EBPL: variants seen among roughly 807,000 people sequenced by gnomAD.
EBPL encodes the protein emopamil-binding protein-like.
Under a neutral mutation model 19.0 loss-of-function variants are expected in EBPL, and 20 were observed. That is an observed-to-expected ratio of 1.05 (90% CI 0.74 to 1.53). The LOEUF is 1.53. Among genes scored for constraint, EBPL ranks in the 40% most tolerant of loss-of-function variants. The pLI, the probability that EBPL is intolerant of heterozygous loss-of-function variation, is 0.00. For synonymous variants in EBPL, 107 were observed against 117.0 expected, an observed-to-expected ratio of 0.91 and a Z score of 0.55; for missense variants, 219 against 261.1, an observed-to-expected ratio of 0.84 and a Z score of 1.11.
rs1226383595 is a variant in EBPL at position 49,663,066 on chromosome 13, T to C, written c.371A>G (p.Lys124Arg). ...GAAGAAGGGCACCTACCGGTAATAT[T>C]TTTCTTTGACTATGGCATAAATGAG... is the stretch of plus-strand genomic sequence containing the variant. ...LFLIYAIVKE[K>R]YYRHFLQITL... is the part of the protein sequence containing the mutation. The change falls in exon 3 of 4, where the codon AAA becomes AGA. Residue 124 changes from lysine (K) to arginine (R), a missense_variant. Physicochemically the swap from Lys to Arg is conservative, Grantham distance 26. This residue lies in a region of EBPL where 170 missense variants were observed against 167.0 expected (regional missense o/e 1.02). Coordinates refer to ENST00000242827, the MANE Select transcript of EBPL (RefSeq NM_032565.5). 1.7e-5 allele frequency: 27 copies of C among 1,613,848 alleles called. No homozygotes were observed. Among genetic ancestry groups the C allele is most frequent in the Non-Finnish European group, 2.1e-5 (25 of 1,180,028 alleles).
chr13:49,677,504 T>G (rs1953889356), intron 1 of EBPL, among the ~76,000 whole-genome samples: 1 of 152,232 alleles, frequency 6.6e-6, no homozygotes, highest in Non-Finnish European at 1.5e-5. Context: ...CACTTTAGGC[T>G]GCACCATCCA....
At chr13:49,687,630 T>C (rs554083533) in intron 1 of EBPL, among the ~76,000 whole-genome samples, 1 of 152,348 alleles carries the variant, frequency 6.6e-6, no homozygotes, top group South Asian at 2.1e-4. Context: ...TTTACATTCC[T>C]AAGATAAGGT....
chr13:49,690,637 A>G (rs78192485), intron 1 of EBPL, among the ~76,000 whole-genome samples: 1,539 of 152,328 alleles, frequency 0.01, 58 homozygotes, highest in East Asian at 0.075. Flanking sequence ...CTTGGGAGCC[A>G]GACTAGACTG....
chr13:49,690,308 C>T (rs751582129), intron 1 of EBPL, among the ~76,000 whole-genome samples: 4 of 150,732 alleles, frequency 2.7e-5, no homozygotes, highest in Non-Finnish European at 4.4e-5. Flanking sequence ...AACCCGTAAA[C>T]ATTTACAGAA....
chr13:49,691,304 G>T lies in EBPL; in HGVS notation c.121C>A (p.Arg41Ser). The T allele has an allele frequency of 2.2e-6, 3 of 1,371,960 alleles. No individual in the cohort carries two copies. The highest frequency in any genetic ancestry group is 1.9e-6 in the Non-Finnish European group (2 of 1,057,410). The allele number at this position is 1,371,960 out of a possible 1,614,324, so 85.0% of individuals were successfully genotyped here. The change falls in exon 1 of 4, where the codon CGC (arginine) becomes AGC (serine). Residue 41 changes from arginine to serine, a missense_variant. Arg to Ser is a moderately radical substitution (Grantham distance 110). Around this residue, in one of 2 missense-constraint regions of EBPL, gnomAD observed 170 missense variants for 167.0 expected, o/e 1.02. Transcript: ENST00000242827. ...RLGRGQGAAD[R>S]GALIWLCYDA... is the part of the protein sequence containing the mutation. ...TAGCAGAGCCAGATGAGCGCCCCGC[G>T]GTCCGCCGCCCCCTGCCCGCGGCCC...
At chr13:49,684,661 G>A (rs112405302) in intron 1 of EBPL, among the ~76,000 whole-genome samples, 2,576 of 152,112 alleles carry the variant, frequency 0.017, 57 homozygotes, top group African/African-American at 0.059. Context: ...GGCGAACAGA[G>A]TGAGACTGTC....
Position 49,660,880 on chromosome 13 carries a change from C to T in EBPL, c.*88G>A, listed in dbSNP as rs1000612231. 6.0e-6 allele frequency: 7 copies of T among 1,171,042 alleles called. No homozygotes were observed. Among genetic ancestry groups the T allele is most frequent in the Middle Eastern group, 2.3e-4 (1 of 4,382 alleles). The allele number at this position is 1,171,042 out of a possible 1,614,324, so 72.5% of individuals were successfully genotyped here. On this transcript the variant is annotated 3_prime_UTR_variant, in exon 4 of 4. Transcript: ENST00000242827. Reference sequence around the variant, plus strand: ...CAACAATACAAAAACAAAGTGTAGACTGGAATGTATTACATTTTGGCCAAA... The same window carrying T: ...CAACAATACAAAAACAAAGTGTAGATTGGAATGTATTACATTTTGGCCAAA...
intron 1 of EBPL, among the ~76,000 whole-genome samples, chr13:49,674,610 C>A (rs1199068531): frequency 5.0e-5 from 6 of 120,480 alleles, no homozygotes; most frequent in African/African-American, 1.4e-4. Flanking sequence ...TGGCAACTGT[C>A]AGGACTTAAA....
chr13:49,662,148 C>T (rs1269023239), intron 3 of EBPL, among the ~76,000 whole-genome samples: 1 of 152,184 alleles, frequency 6.6e-6, no homozygotes, highest in African/African-American at 2.4e-5. Context: ...CACCCGCCAC[C>T]GTGCCTGGCT....
chr13:49,687,977 A>G (rs1954017617), intron 1 of EBPL, among the ~76,000 whole-genome samples: 1 of 152,164 alleles, frequency 6.6e-6, no homozygotes, highest in Non-Finnish European at 1.5e-5. Context: ...TCACCTTTCC[A>G]GCTGGTCCTC....
intron 2 of EBPL, among the ~76,000 whole-genome samples, chr13:49,665,864 G>A (rs971826904): frequency 1.3e-5 from 2 of 152,194 alleles, no homozygotes; most frequent in African/African-American, 4.8e-5. Flanking sequence ...TGAGGGCAGG[G>A]AAGAAGTGGC....
At chr13:49,689,691 G>C (rs1954039186) in intron 1 of EBPL, among the ~76,000 whole-genome samples, 1 of 152,148 alleles carries the variant, frequency 6.6e-6, no homozygotes, top group African/African-American at 2.4e-5. Flanking sequence ...GCTATATACA[G>C]TTATACCCAG....
At chr13:49,665,702 G>A (rs1965216161) in intron 2 of EBPL, among the ~76,000 whole-genome samples, 1 of 147,276 alleles carries the variant, frequency 6.8e-6, no homozygotes, top group Non-Finnish European at 1.5e-5. Flanking sequence ...ACCGTGTCCA[G>A]CCTTCAACAA....
At chr13:49,665,023 A>C (rs1965205205) in intron 2 of EBPL, among the ~76,000 whole-genome samples, 1 of 152,212 alleles carries the variant, frequency 6.6e-6, no homozygotes, top group Non-Finnish European at 1.5e-5. Flanking sequence ...CAATAGGTGA[A>C]ATGTACCAGT....
intron 1 of EBPL, among the ~76,000 whole-genome samples, chr13:49,675,807 C>T (rs1484750080): frequency 2.6e-5 from 4 of 152,072 alleles, no homozygotes; most frequent in African/African-American, 9.7e-5. Flanking sequence ...TGCATTCCCA[C>T]CAACAGTGCA....
At chr13:49,672,865 C>T (rs1206511786) in intron 1 of EBPL, among the ~76,000 whole-genome samples, 1 of 152,078 alleles carries the variant, frequency 6.6e-6, no homozygotes, top group Admixed American at 6.5e-5. Flanking sequence ...TGAGACCAGC[C>T]TGGCCAACAT....
At chr13:49,662,648 T>G (rs532337002) in intron 3 of EBPL, among the ~76,000 whole-genome samples, 2 of 152,234 alleles carry the variant, frequency 1.3e-5, no homozygotes, top group South Asian at 4.1e-4. Context: ...TCTGCTTTTT[T>G]TTTTTGGAGA....
intron 1 of EBPL, among the ~76,000 whole-genome samples, chr13:49,677,123 G>A (rs1953885368): frequency 6.6e-6 from 1 of 152,190 alleles, no homozygotes; most frequent in African/African-American, 2.4e-5. Flanking sequence ...GGTTCTACAT[G>A]AGGACACTGC....
At chr13:49,683,659 T>C (rs1311712550) in intron 1 of EBPL, among the ~76,000 whole-genome samples, 1 of 152,186 alleles carries the variant, frequency 6.6e-6, no homozygotes, top group East Asian at 1.9e-4. Flanking sequence ...TTTAGTCATA[T>C]ACATCTATCA....
Sources: allele counts gnomAD v4.1 joint callset (sites outside exome capture counted in the v4.1 genomes callset), GRCh38; gene constraint gnomAD v4.1.1; regional missense constraint gnomAD v4.1.1; transcripts MANE v1.5; gene names NCBI Gene and HGNC (gene_info 2026-07-23, HGNC 2026-07-21).